Variants in PHLDB3 observed in about 807,000 individuals in gnomAD.
PHLDB3 encodes the protein pleckstrin homology like domain family B member 3, also known as pleckstrin homology-like domain family B member 3.
PHLDB3 carries 86 observed loss-of-function variants against 85.7 expected under a neutral mutation model. The observed-to-expected ratio is 1.00, with a 90% CI of 0.84 to 1.20. PHLDB3 has a LOEUF of 1.20. PHLDB3 is among the 50% of genes most tolerant of loss of function. The pLI is 0.00. For synonymous variants in PHLDB3, 376 were observed against 349.8 expected (o/e 1.07, Z -0.83); for missense variants, 995 against 873.0 (o/e 1.14, Z -1.76).
chr19:43,496,013 G>T, intron 6 of PHLDB3: 1 of 154,558 alleles, frequency 6.5e-6, no homozygotes, highest in Non-Finnish European at 1.4e-5. Flanking sequence ...CCCAAGAAAA[G>T]CTCTTTTTTT....
Position 43,479,561 on chromosome 19 carries a change from CGGGCCTGGAGGGTGGGGTGGGGTGGGTG to C in PHLDB3, c.1490_1517del (p.Pro497ArgfsTer35). 3.4e-6 allele frequency: 1 copy of C among 297,280 alleles called. No homozygotes were observed. Among genetic ancestry groups the C allele is most frequent in the Non-Finnish European group, 6.1e-6 (1 of 164,512 alleles). 18.4% of individuals were successfully genotyped at this position (297,280 alleles called of 1,614,324 possible). A position where few individuals can be genotyped will look rare whatever the true frequency, so the allele number is the denominator to read the frequency against. The stretch of plus-strand genomic sequence containing the variant: ...GATGCTGCCGGAGATCCAAGATTCG[CGGGCCTGGAGGGTGGGGTGGGGTGGGTG>C]GGGCCTGGGGAGCAAAGAGACGGGG... On this transcript the variant is annotated frameshift_variant, in exon 14 of 16. Coordinates refer to ENST00000292140, the MANE Select transcript of PHLDB3 (RefSeq NM_198850.4). LOFTEE classifies it high-confidence loss of function.
In PHLDB3 at chr19:43,487,037, G is replaced by A. The variant is rs1227312436; in HGVS notation, c.1236C>T (p.Ser412=). 2 of 1,571,548 alleles carry A rather than the reference G, an allele frequency of 1.3e-6. No individual in the cohort carries two copies. Among genetic ancestry groups the A allele is most frequent in the Non-Finnish European group, 8.6e-7 (1 of 1,160,984 alleles). Residue 412 remains serine (S), a synonymous_variant, in exon 10 of 16, where the codon TCC becomes TCT. Transcript: ENST00000292140. ...GGGGATCCTCACCAGTACAATGGAA[G>A]GACAGAGGTCGGGGGGATCCTCTCT... The part of the protein sequence containing the change: ...GSQRGSPRPL[S]FHCTESLEAS...
At chr19:43,493,398 G>A (rs146922948) in intron 9 of PHLDB3, among the ~76,000 whole-genome samples, 2,507 of 152,194 alleles carry the variant, frequency 0.016, 43 homozygotes, top group Non-Finnish European at 0.02. Flanking sequence ...CAATTTGGGA[G>A]GCTAAAACAA....
intron 15 of PHLDB3, among the ~76,000 whole-genome samples, chr19:43,475,871 C>T (rs1438984058): frequency 1.3e-5 from 2 of 152,126 alleles, no homozygotes; most frequent in African/African-American, 4.8e-5. Context: ...TCTTGGCTCA[C>T]TGCAACCTCC....
At chr19:43,502,614 C>CTTTT (rs71336869) in intron 2 of PHLDB3, among the ~76,000 whole-genome samples, 2 of 114,794 alleles carry the variant, frequency 1.7e-5, no homozygotes, top group Non-Finnish European at 3.5e-5. Context: ...ACGCCAAGCT[C>CTTTT]TTTTTTTTTT....
In PHLDB3 at chr19:43,487,056, C is replaced by A. The variant is rs1259945024; in HGVS notation, c.1217G>T (p.Gly406Val). The A allele has an allele frequency of 6.3e-7, 1 of 1,577,908 alleles. No homozygotes were observed. The highest frequency in any genetic ancestry group is 1.9e-5 in the Admixed American group (1 of 53,778). ...RKRGERGSQR[G>V]SPRPLSFHCT... ...ATGGAAGGACAGAGGTCGGGGGGATCCTCTCTGGCTCCCCCTCTCCCCCCT... is the reference window on the plus strand; with the variant it reads ...ATGGAAGGACAGAGGTCGGGGGGATACTCTCTGGCTCCCCCTCTCCCCCCT... Residue 406 changes from glycine (G) to valine (V), a missense_variant, in exon 10 of 16, where the codon GGA (glycine) becomes GTA (valine). By Grantham distance (109) the Gly-to-Val change is moderately radical (BLOSUM62 -3). Coordinates refer to ENST00000292140, the MANE Select transcript of PHLDB3 (RefSeq NM_198850.4).
intron 8 of PHLDB3, 29 bp downstream of exon 8, chr19:43,495,227 G>T: frequency 6.3e-7 from 1 of 1,598,590 alleles, no homozygotes; most frequent in Admixed American, 1.7e-5. Flanking sequence ...GAGGGAGGAG[G>T]GACTGAGAGG....
chr19:43,491,986 C>G (rs1247877947), intron 9 of PHLDB3, among the ~76,000 whole-genome samples: 1 of 137,380 alleles, frequency 7.3e-6, no homozygotes, highest in Non-Finnish European at 1.5e-5. Flanking sequence ...GACAGAGTCT[C>G]GCTCTGTCAC....
At chr19:43,479,139 G>A (rs1015701231) in intron 14 of PHLDB3, among the ~76,000 whole-genome samples, 1 of 152,092 alleles carries the variant, frequency 6.6e-6, no homozygotes. Flanking sequence ...AGGACTGGGG[G>A]TTTGAATTCT....
At chr19:43,485,649 C>T (rs909930318) in intron 13 of PHLDB3, among the ~76,000 whole-genome samples, 3 of 151,054 alleles carry the variant, frequency 2.0e-5, no homozygotes, top group African/African-American at 4.9e-5. Flanking sequence ...CCTCCACCTG[C>T]GGGTTCAAGT....
At chr19:43,494,625 G>A (rs546503984) in intron 9 of PHLDB3, 77 bp downstream of exon 9, 70 of 1,208,728 alleles carry the variant, frequency 5.8e-5, no homozygotes, top group African/African-American at 3.8e-4. Context: ...ACCCCAGTTC[G>A]GGGACTCTGC....
chr19:43,503,019 A>G (rs1568487036), intron 2 of PHLDB3, among the ~76,000 whole-genome samples: 1 of 141,556 alleles, frequency 7.1e-6, no homozygotes, highest in African/African-American at 2.6e-5. Context: ...TAGAATCACT[A>G]GATCTTTCTT....
intron 15 of PHLDB3, among the ~76,000 whole-genome samples, chr19:43,476,749 T>C (rs1342535173): frequency 6.6e-6 from 1 of 152,162 alleles, no homozygotes; most frequent in African/African-American, 2.4e-5. Flanking sequence ...TCCAACCTAA[T>C]TGCTAAAAAG....
Position 43,500,923 on chromosome 19 carries a change from C to CCCCCCCCCCCCA in PHLDB3, c.534+810_534+811insTGGGGGGGGGGG, listed in dbSNP as rs1555757872. On this transcript the variant is annotated intron_variant, in intron 4 of 15. Coordinates refer to ENST00000292140, the MANE Select transcript of PHLDB3 (RefSeq NM_198850.4). ...CCGCCCCCCGTACCCCCCCCCCACCCCGCAAGTACTGGGATTACAGGTGTG... is the reference window on the plus strand; with the variant it reads ...CCGCCCCCCGTACCCCCCCCCCACCCCCCCCCCCCCCACGCAAGTACTGGGATTACAGGTGTG... Among the ~76,000 whole-genome samples the CCCCCCCCCCCCA allele has an allele frequency of 3.8e-5, 4 of 105,760 alleles. 1 individual carries two copies. Among genetic ancestry groups the CCCCCCCCCCCCA allele is most frequent in the Non-Finnish European group, 8.7e-5 (4 of 46,206 alleles). 69.4% of individuals were successfully genotyped at this position (105,760 alleles called of 152,430 possible).
chr19:43,491,533 G>A (rs531719840), intron 9 of PHLDB3, among the ~76,000 whole-genome samples: 6 of 151,574 alleles, frequency 4.0e-5, no homozygotes, highest in Admixed American at 2.0e-4. Context: ...ATGGAGTCTC[G>A]CTCTGTTGCC....
chr19:43,493,430 G>T (rs1163930107), intron 9 of PHLDB3, among the ~76,000 whole-genome samples: 1 of 152,044 alleles, frequency 6.6e-6, no homozygotes, highest in Non-Finnish European at 1.5e-5. Context: ...GAGCCTAAGG[G>T]TTCAAGACCA....
chr19:43,487,210 G>T, intron 9 of PHLDB3, 87 bp from the exon 10 acceptor site: 1 of 1,099,140 alleles, frequency 9.1e-7, no homozygotes, highest in Non-Finnish European at 1.4e-6. Context: ...CCACCACCCA[G>T]TCAGCACAAA....
Position 43,502,160 on chromosome 19 carries a change from C to A in PHLDB3, c.337G>T (p.Ala113Ser), listed in dbSNP as rs757647746. 1.3e-6 allele frequency: 2 copies of A among 1,580,838 alleles called. No homozygotes were observed. Among genetic ancestry groups the A allele is most frequent in the African/African-American group, 1.4e-5 (1 of 74,014 alleles). ...TCCTTCACTCGCTGCTCCATCAGGG[C>A]CACACGAGTCAATGCCTCCAGCTGC... is the stretch of plus-strand genomic sequence containing the variant. ...GQQLEALTRV[A>S]LMEQRVKELQ... Residue 113 changes from alanine (A) to serine (S), a missense_variant, in exon 3 of 16, where the codon GCC becomes TCC. Ala to Ser is a moderately conservative substitution (Grantham distance 99). Coordinates refer to ENST00000292140, the MANE Select transcript of PHLDB3 (RefSeq NM_198850.4).
intron 4 of PHLDB3, among the ~76,000 whole-genome samples, chr19:43,501,332 C>T (rs1196915456): frequency 6.6e-6 from 1 of 151,726 alleles, no homozygotes; most frequent in East Asian, 1.9e-4. Context: ...TACAGGCGCC[C>T]GCCACCACGC....
Sources: gnomAD v4.1 joint callset for allele counts (sites outside exome capture counted in the v4.1 genomes callset) on GRCh38, gnomAD v4.1.1 for gene constraint, MANE v1.5 for transcripts, NCBI Gene and HGNC (gene_info 2026-07-23, HGNC 2026-07-21) for gene names.